The following MMP9 variants were observed in gnomAD, a reference collection of about 807,000 sequenced individuals.
MMP9 encodes matrix metalloproteinase-9.
A neutral mutation model predicts 76.4 loss-of-function variants in MMP9; 73 were observed. That is an observed-to-expected ratio of 0.96 (90% CI 0.79 to 1.16). The LOEUF is 1.16. Ranked by LOEUF, MMP9 falls within the 50% of genes most tolerant of loss-of-function variation. The pLI is 0.00. For synonymous variants in MMP9, 412 were observed against 408.4 expected (o/e 1.01, Z -0.11); for missense variants, 943 against 973.0 (o/e 0.97, Z 0.41).
At chr20:46,011,996 G>A (rs1381434726) in intron 6 of MMP9, 141 bp from the exon 7 acceptor site, 8 of 1,207,304 alleles carry the variant, frequency 6.6e-6, no homozygotes, top group African/African-American at 1.5e-5. Flanking sequence ...CCCAGGCACC[G>A]CCCACGGGTC....
intron 12 of MMP9, 117 bp downstream of exon 12, chr20:46,014,591 A>G: frequency 9.1e-7 from 1 of 1,097,114 alleles, no homozygotes; most frequent in Non-Finnish European, 1.3e-6. Context: ...GCCCCAGCAC[A>G]GACAAGATCC....
intron 3 of MMP9, 137 bp downstream of exon 3, chr20:46,010,768 G>A: frequency 1.3e-6 from 2 of 1,547,854 alleles, no homozygotes; most frequent in Non-Finnish European, 8.8e-7. Context: ...GGCCCCTCCT[G>A]CCAGACAGTG....
rs1342105276 is a variant in MMP9, at chr20:46,011,043, G to A, written c.642G>A (p.Lys214=). 1 of 1,610,092 alleles carries A rather than the reference G, an allele frequency of 6.2e-7. No individual in the cohort carries two copies. The highest frequency in any genetic ancestry group is 8.5e-7 in the Non-Finnish European group (1 of 1,177,648). The change falls in exon 4 of 13, where the codon AAG becomes AAA. Residue 214 remains lysine (K), a synonymous_variant. Coordinates refer to ENST00000372330, the MANE Select transcript of MMP9 (RefSeq NM_004994.3). ...FDDDELWSLG[K]GVVVPTRFGN... is the part of the protein sequence containing the mutation. ...ATGACGAGTTGTGGTCCCTGGGCAA[G>A]GGCGTCGGTGAGATTCTGAGTCCTC...
rs1415939223 is a variant in MMP9, at chr20:46,012,563, T to C, written c.1311T>C (p.Asn437=). ...EGPPLHKDDV[N]GIRHLYGPRP... is the part of the protein sequence containing the mutation. Reference sequence around the variant, plus strand: ...CCCCCTTGCATAAGGACGACGTGAATGGCATCCGGCACCTCTATGGTGAGG... The same window carrying C: ...CCCCCTTGCATAAGGACGACGTGAACGGCATCCGGCACCTCTATGGTGAGG... Residue 437 remains asparagine, a synonymous_variant, in exon 8 of 13, where the codon AAT becomes AAC. Coordinates refer to ENST00000372330, the MANE Select transcript of MMP9 (RefSeq NM_004994.3). 1.2e-6 allele frequency: 2 copies of C among 1,609,006 alleles called. No homozygotes were observed. Among genetic ancestry groups the C allele is most frequent in the African/African-American group, 1.4e-5 (1 of 74,054 alleles).
chr20:46,011,718 A>G lies in MMP9; in HGVS notation c.968A>G (p.Asp323Gly), dbSNP rs762703999. 2 of 1,613,430 alleles carry G rather than the reference A, an allele frequency of 1.2e-6. No homozygotes were observed. Among genetic ancestry groups the G allele is most frequent in the Non-Finnish European group, 1.7e-6 (2 of 1,179,964 alleles). Residue 323 changes from aspartate to glycine, a missense_variant, in exon 6 of 13, where the codon GAC (aspartate) becomes GGC (glycine). Coordinates refer to ENST00000372330, the MANE Select transcript of MMP9 (RefSeq NM_004994.3). ...GCCACCACCGCCAACTACGACCGGG[A>G]CAAGCTCTTCGGCTTCTGCCCGACC... ...WCATTANYDR[D>G]KLFGFCPTRA... is the part of the protein sequence containing the mutation.
chr20:46,010,947 C>A lies in MMP9; in HGVS notation c.546C>A (p.Asp182Glu). The A allele has an allele frequency of 6.2e-7, 1 of 1,614,238 alleles. No individual in the cohort carries two copies. Among genetic ancestry groups the A allele is most frequent in the Non-Finnish European group, 8.5e-7 (1 of 1,180,046 alleles). ...AGCACGGAGACGGGTATCCCTTCGA[C>A]GGGAAGGACGGGCTCCTGGCACACG... Reference protein sequence around the residue: ...VAEHGDGYPFDGKDGLLAHAF... With the variant: ...VAEHGDGYPFEGKDGLLAHAF... The change falls in exon 4 of 13, where the codon GAC (aspartate) becomes GAA (glutamate). Residue 182 changes from aspartate (D) to glutamate (E), a missense_variant. By Grantham distance (45) the Asp-to-Glu change is conservative. Transcript: ENST00000372330.
chr20:46,009,908 C>T lies in MMP9; in HGVS notation c.181C>T (p.Arg61Cys), dbSNP rs370018925. Residue 61 changes from arginine (R) to cysteine (C), a missense_variant, in exon 2 of 13, where the codon CGT (arginine) becomes TGT (cysteine). By Grantham distance (180) the Arg-to-Cys change is radical. Coordinates refer to ENST00000372330, the MANE Select transcript of MMP9 (RefSeq NM_004994.3). ...TGGTTACACTCGGGTGGCAGAGATG[C>T]GTGGAGAGTCGAAATCTCTGGGGCC... ...RYGYTRVAEM[R>C]GESKSLGPAL... 2.0e-5 allele frequency: 31 copies of T among 1,552,086 alleles called. No individual in the cohort carries two copies. Among genetic ancestry groups the T allele is most frequent in the Non-Finnish European group, 2.4e-5 (28 of 1,147,278 alleles).
Position 46,013,986 on chromosome 20 carries a change from C to A in MMP9, c.1751-138C>A. On this transcript the variant is annotated intron_variant, in intron 10 of 12. Transcript: ENST00000372330. This position sits in a 1 kb window ranked among gnomAD's most constrained non-coding sequence, Gnocchi z 4.5. ...TCTCCACGCCCTCGCGTCGCTCTAC[C>A]CAGCGCCTCTGCCCCTGGGTTGCAG... The A allele has an allele frequency of 7.0e-7, 1 of 1,437,518 alleles. No individual in the cohort carries two copies. The highest frequency in any genetic ancestry group is 9.4e-7 in the Non-Finnish European group (1 of 1,068,026). The allele number at this position is 1,437,518 out of a possible 1,614,324, so 89.0% of individuals were successfully genotyped here.
chr20:46,015,771 C>G (rs549086117), intron 12 of MMP9, among the ~76,000 whole-genome samples: 29 of 152,274 alleles, frequency 1.9e-4, no homozygotes, highest in African/African-American at 7.0e-4. Flanking sequence ...TTTTCAAAAC[C>G]AATCTCATTT....
rs1340951819 is a variant in MMP9, at chr20:46,016,407, ACTGGGACCAACC to A, written c.*45_*56del. On this transcript the variant is annotated 3_prime_UTR_variant, in exon 13 of 13. Transcript: ENST00000372330. ...CTTTGGCAGTGCCATGTAAATCCCCACTGGGACCAACCCTGGGGAAGGAGCCAGTTTGCCGGA... is the reference window on the plus strand; with the variant it reads ...CTTTGGCAGTGCCATGTAAATCCCCACTGGGGAAGGAGCCAGTTTGCCGGA... The A allele has an allele frequency of 1.3e-6, 2 of 1,519,230 alleles. No individual in the cohort carries two copies. Among genetic ancestry groups the A allele is most frequent in the Non-Finnish European group, 1.8e-6 (2 of 1,094,008 alleles). 94.1% of individuals were successfully genotyped at this position (1,519,230 alleles called of 1,614,324 possible). A position where few individuals can be genotyped will look rare whatever the true frequency, so the allele number is the denominator to read the frequency against.
chr20:46,010,331 A>AAAAAAAAAAAAAAAAC (rs2084269882), intron 2 of MMP9, 152 bp from the exon 3 acceptor site: 1 of 753,818 alleles, frequency 1.3e-6, no homozygotes, highest in Non-Finnish European at 2.1e-6. Flanking sequence ...CAAAAAAAAA[A>AAAAAAAAAAAAAAAAC]AAAAAAAAAA....
In MMP9 at chr20:46,013,314, C is replaced by A; in HGVS notation, c.1390C>A (p.Pro464Thr). ...PTTTTPQPTAPPTVCPTGPPT... is the reference protein window; with the variant it reads ...PTTTTPQPTATPTVCPTGPPT... ...CACCACCACACCGCAGCCCACGGCT[C>A]CCCCGACGGTCTGCCCCACCGGACC... The change falls in exon 9 of 13, where the codon CCC becomes ACC. Residue 464 changes from proline (P) to threonine (T), a missense_variant. Coordinates refer to ENST00000372330, the MANE Select transcript of MMP9 (RefSeq NM_004994.3). The surrounding 1 kb of genome is among the most constrained non-coding windows in gnomAD (Gnocchi z 4.5). The A allele has an allele frequency of 6.2e-7, 1 of 1,613,970 alleles. No homozygotes were observed. Among genetic ancestry groups the A allele is most frequent in the East Asian group, 2.2e-5 (1 of 44,870 alleles).
intron 1 of MMP9, 123 bp from the exon 2 acceptor site, chr20:46,009,743 G>A (rs538925545): frequency 1.5e-5 from 13 of 857,614 alleles, no homozygotes; most frequent in East Asian, 8.0e-5. Context: ...GGCTGATACC[G>A]TCTCTCCGAA....
chr20:46,010,832 C>T lies in MMP9; in HGVS notation c.521-90C>T. The T allele has an allele frequency of 6.8e-6, 11 of 1,608,308 alleles. No homozygotes were observed. In the South Asian group the frequency reaches 1.0e-4, roughly 15 times the overall value. On this transcript the variant is annotated intron_variant, in intron 3 of 12. Transcript: ENST00000372330. ...GCTTCGCGCAGGCGGGATTTCAGCC[C>T]GCACTTATTTCGGAGCCCTTGCCTT...
Position 46,013,168 on chromosome 20 carries a change from T to C in MMP9, c.1331-87T>C, listed in dbSNP as rs961332655. On this transcript the variant is annotated intron_variant, in intron 8 of 12. Transcript: ENST00000372330. This position sits in a 1 kb window ranked among gnomAD's most constrained non-coding sequence, Gnocchi z 4.5. ...GAGGGGCCTGTGTGCCAGAGGAGGC[T>C]TCACTGAGAAGCTTAGGGGAGCAGA... 2.0e-6 allele frequency: 3 copies of C among 1,521,754 alleles called. No homozygotes were observed. Among genetic ancestry groups the C allele is most frequent in the Admixed American group, 3.3e-5 (2 of 59,890 alleles). 94.3% of individuals were successfully genotyped at this position (1,521,754 alleles called of 1,614,324 possible).
At chr20:46,014,795 G>A (rs1206197420) in intron 12 of MMP9, 8 of 406,734 alleles carry the variant, frequency 2.0e-5, no homozygotes, top group African/African-American at 1.6e-4. Context: ...TGTGCTACAG[G>A]GAGAGATAAG....
Sources: allele counts gnomAD v4.1 joint callset (sites outside exome capture counted in the v4.1 genomes callset), GRCh38; gene constraint gnomAD v4.1.1; non-coding constraint Gnocchi (gnomAD v3.1); transcripts MANE v1.5; gene names NCBI Gene and HGNC (gene_info 2026-07-23, HGNC 2026-07-21).